The following TCERG1 variants were observed in gnomAD, a reference collection of about 807,000 sequenced individuals.
TCERG1 encodes TATA box binding protein (TBP)-associated factor, RNA polymerase II, S, 150kD.
Under a neutral mutation model 144.7 loss-of-function variants are expected in TCERG1, and 37 were observed. The ratio of observed to expected loss-of-function variants is 0.26; its 90% CI spans 0.20 to 0.34. The LOEUF (loss-of-function observed/expected upper bound fraction) is 0.34, where lower values mean the gene tolerates loss of function less well. Among genes scored for constraint, TCERG1 ranks in the 10% least tolerant of loss-of-function variants. The pLI is 1.00. For synonymous variants in TCERG1, 492 were observed against 458.2 expected, an observed-to-expected ratio of 1.07 and a Z score of -0.94; for missense variants, 1,027 against 1,380.7, an observed-to-expected ratio of 0.74 and a Z score of 4.06.
At chr5:146,475,444 G>C (rs1173273268) in intron 9 of TCERG1, among the ~76,000 whole-genome samples, 1 of 152,068 alleles carries the variant, frequency 6.6e-6, no homozygotes, top group Non-Finnish European at 1.5e-5. Flanking sequence ...GGGTGTTAGT[G>C]GCATCTAGCA....
At chr5:146,451,776 T>G (rs997811242) in intron 1 of TCERG1, among the ~76,000 whole-genome samples, 1 of 149,218 alleles carries the variant, frequency 6.7e-6, no homozygotes, top group African/African-American at 2.4e-5. Context: ...CAAATTAGTT[T>G]TTTTTTTTTT....
At chr5:146,509,588 A>C (rs1241831735) in intron 22 of TCERG1, among the ~76,000 whole-genome samples, 10 of 151,672 alleles carry the variant, frequency 6.6e-5, no homozygotes. Flanking sequence ...ATCTTTCACT[A>C]TCAGTTATCT....
At chr5:146,458,780 T>C (rs2150258744) in intron 3 of TCERG1, 104 bp from the exon 4 acceptor site, 2 of 1,462,654 alleles carry the variant, frequency 1.4e-6, no homozygotes, top group Non-Finnish European at 1.8e-6. Context: ...CGCCTGGCCC[T>C]ACGTTATTTT....
chr5:146,508,132 G>T (rs1581589033), intron 21 of TCERG1, among the ~76,000 whole-genome samples, 176 bp downstream of exon 21: 2 of 152,178 alleles, frequency 1.3e-5, no homozygotes, highest in East Asian at 3.8e-4. Context: ...TGATAAATTA[G>T]CAAGACAGCA....
intron 1 of TCERG1, among the ~76,000 whole-genome samples, chr5:146,449,554 A>G (rs952097154): frequency 2.6e-5 from 4 of 152,212 alleles, no homozygotes; most frequent in African/African-American, 7.2e-5. Context: ...TATCGGTAGC[A>G]TCTTTTTATT....
chr5:146,503,787 G>A (rs1581573861), intron 18 of TCERG1, 37 bp from the exon 19 acceptor site: 1 of 1,544,644 alleles, frequency 6.5e-7, no homozygotes, highest in Non-Finnish European at 8.7e-7. Context: ...TTTTGATGGA[G>A]TTGGTAAGAA....
chr5:146,479,815 G>GCAAATGACTTTGTAA, intron 10 of TCERG1, 40 bp from the exon 11 acceptor site: 1 of 1,607,096 alleles, frequency 6.2e-7, no homozygotes, highest in Non-Finnish European at 8.5e-7. Context: ...TGAAATATAT[G>GCAAATGACTTTGTAA]CAAATGACTT....
chr5:146,507,657 C>G lies in TCERG1; in HGVS notation c.2962-216C>G. 1 of 428,198 alleles carries G rather than the reference C, an allele frequency of 2.3e-6. No individual in the cohort carries two copies. Among genetic ancestry groups the G allele is most frequent in the African/African-American group, 2.0e-5 (1 of 48,928 alleles). The allele number at this position is 428,198 out of a possible 1,614,324, so 26.5% of individuals were successfully genotyped here. Reference sequence around the variant, plus strand: ...GGGTTTGCAGGTGATTGTCTTAGGCCACCTTGAAAGTATGGCCATGAAAAT... The same window carrying G: ...GGGTTTGCAGGTGATTGTCTTAGGCGACCTTGAAAGTATGGCCATGAAAAT... On this transcript the variant is annotated intron_variant, in intron 20 of 22. Transcript: ENST00000679501. This position sits in a 1 kb window ranked among gnomAD's most constrained non-coding sequence, Gnocchi z 4.6.
At chr5:146,495,143 CT>C (rs1766769554) in intron 16 of TCERG1, among the ~76,000 whole-genome samples, 2 of 152,078 alleles carry the variant, frequency 1.3e-5, no homozygotes, top group Non-Finnish European at 2.9e-5. Flanking sequence ...ATAGTTTATG[CT>C]TTAATCATAA....
intron 15 of TCERG1, among the ~76,000 whole-genome samples, chr5:146,486,702 A>G (rs745856182): frequency 2.0e-5 from 3 of 152,186 alleles, no homozygotes; most frequent in Non-Finnish European, 4.4e-5. Flanking sequence ...GAAAGGAAGA[A>G]GTCAACTTGT....
intron 15 of TCERG1, among the ~76,000 whole-genome samples, chr5:146,489,909 C>G (rs1048710335): frequency 6.6e-6 from 1 of 152,072 alleles, no homozygotes; most frequent in Non-Finnish European, 1.5e-5. Context: ...ATAACACAAC[C>G]CCTAATTTTC....
At chr5:146,503,121 A>C (rs563377272) in intron 17 of TCERG1, 35 of 188,080 alleles carry the variant, frequency 1.9e-4, no homozygotes, top group African/African-American at 4.7e-4. Context: ...TAATTTCTTT[A>C]TAAAATATTA....
At chr5:146,476,065 T>G (rs921450066) in intron 9 of TCERG1, among the ~76,000 whole-genome samples, 4 of 152,174 alleles carry the variant, frequency 2.6e-5, no homozygotes, top group Non-Finnish European at 5.9e-5. Context: ...TGACAAGATG[T>G]TCTAGGCTTA....
At chr5:146,485,591 T>C (rs1428653616) in intron 15 of TCERG1, among the ~76,000 whole-genome samples, 1 of 152,250 alleles carries the variant, frequency 6.6e-6, no homozygotes, top group Non-Finnish European at 1.5e-5. Flanking sequence ...TGGTATCTCC[T>C]TAATAGAATT....
At chr5:146,501,093 A>T (rs1432663857) in intron 17 of TCERG1, among the ~76,000 whole-genome samples, 1 of 152,166 alleles carries the variant, frequency 6.6e-6, no homozygotes, top group Non-Finnish European at 1.5e-5. Context: ...TATTATTATA[A>T]CCAATTTTTA....
rs780594674 is a variant in TCERG1 at position 146,471,609 on chromosome 5, T to C, written c.1601+33T>C. 5 of 1,591,674 alleles carry C rather than the reference T, an allele frequency of 3.1e-6. No homozygotes were observed. In the East Asian group the frequency reaches 1.1e-4, roughly 36 times the overall value. ...TTTGGCTCAAGTAGTAATTTTTTTT[T>C]TTTTTTTGAGACGGAGTCTCACTCT... On this transcript the variant is annotated intron_variant, in intron 9 of 22. Coordinates refer to ENST00000679501, the MANE Select transcript of TCERG1 (RefSeq NM_001382548.1).
intron 4 of TCERG1, among the ~76,000 whole-genome samples, chr5:146,461,396 T>C (rs964294868): frequency 6.6e-6 from 1 of 152,192 alleles, no homozygotes; most frequent in Admixed American, 6.5e-5. Flanking sequence ...AGTTAAGATC[T>C]GAGGCTGGGT....
At chr5:146,506,394 ATAATTGTATATACT>A (rs1291510832) in intron 19 of TCERG1, among the ~76,000 whole-genome samples, 2 of 152,172 alleles carry the variant, frequency 1.3e-5, no homozygotes, top group African/African-American at 4.8e-5. Flanking sequence ...TTGAGAAGTC[ATAATTGTATATACT>A]TACGGGGTAC....
chr5:146,481,307 T>G, intron 13 of TCERG1, 107 bp downstream of exon 13: 1 of 468,466 alleles, frequency 2.1e-6, no homozygotes, highest in Non-Finnish European at 2.8e-6. Context: ...AGTATAGTTC[T>G]ATAAAGGTTA....
Sources: allele counts gnomAD v4.1 joint callset (sites outside exome capture counted in the v4.1 genomes callset), GRCh38; gene constraint gnomAD v4.1.1; non-coding constraint Gnocchi (gnomAD v3.1); transcripts MANE v1.5; gene names NCBI Gene and HGNC (gene_info 2026-07-23, HGNC 2026-07-21).